The following SHISA9 variants were observed in gnomAD, a reference collection of about 807,000 sequenced individuals.
SHISA9 encodes protein shisa-9.
SHISA9 carries 13 observed loss-of-function variants against 38.0 expected under a neutral mutation model. The observed-to-expected ratio is 0.34, with a 90% CI of 0.22 to 0.54. The LOEUF (loss-of-function observed/expected upper bound fraction) is 0.54. SHISA9 is among the 20% of genes least tolerant of loss of function. The pLI, the probability that SHISA9 is intolerant of heterozygous loss-of-function variation, is 0.91. For synonymous variants in SHISA9, 275 were observed against 242.0 expected, an observed-to-expected ratio of 1.14 and a Z score of -1.27; for missense variants, 538 against 575.8, an observed-to-expected ratio of 0.93 and a Z score of 0.67.
At chr16:13,266,063 G>C in the SHISA9 span, among the ~76,000 whole-genome samples, 2 of 100,284 alleles carry the variant, frequency 2.0e-5, no homozygotes, top group South Asian at 5.2e-4. Flanking sequence ...GCATTTTCAT[G>C]TTCAGTGGGT....
chr16:13,300,240 C>T, the SHISA9 span, among the ~76,000 whole-genome samples: 1 of 152,264 alleles, frequency 6.6e-6, no homozygotes, highest in African/African-American at 2.4e-5. Flanking sequence ...CTTCCCAGAC[C>T]CAATCCGCCC....
At chr16:13,418,783 C>G in the SHISA9 span, among the ~76,000 whole-genome samples, 1 of 152,192 alleles carries the variant, frequency 6.6e-6, no homozygotes, top group Non-Finnish European at 1.5e-5. Flanking sequence ...ATAATCTAAC[C>G]TTGAGAACAC....
At chr16:13,040,687 T>C (rs2073123083) in intron 2 of SHISA9, among the ~76,000 whole-genome samples, 2 of 152,206 alleles carry the variant, frequency 1.3e-5, no homozygotes, top group Non-Finnish European at 1.5e-5. Flanking sequence ...AATGCCCCAG[T>C]AGAATTTTGA....
the SHISA9 span, among the ~76,000 whole-genome samples, chr16:13,513,517 C>T: frequency 0.019 from 2,823 of 152,304 alleles, 45 homozygotes; most frequent in Non-Finnish European, 0.028. Flanking sequence ...AATCACTCTA[C>T]TATAAAGACA....
intron 2 of SHISA9, among the ~76,000 whole-genome samples, chr16:12,964,791 G>C (rs936762542): frequency 8.5e-5 from 13 of 152,104 alleles, no homozygotes; most frequent in African/African-American, 3.1e-4. Flanking sequence ...TGAGATTCTT[G>C]TTTCCCTCCA....
At chr16:13,111,454 T>G (rs1175363301) in intron 2 of SHISA9, among the ~76,000 whole-genome samples, 1 of 152,132 alleles carries the variant, frequency 6.6e-6, no homozygotes, top group East Asian at 1.9e-4. Flanking sequence ...GATCATTGAA[T>G]AATTTATTTA....
chr16:12,965,093 G>C (rs188850510), intron 2 of SHISA9, among the ~76,000 whole-genome samples: 1 of 151,952 alleles, frequency 6.6e-6, no homozygotes, highest in East Asian at 1.9e-4. Context: ...GGAAAGGTTT[G>C]GTCTAGCAAT....
At chr16:13,136,306 C>T (rs2050347457) in intron 2 of SHISA9, among the ~76,000 whole-genome samples, 1 of 151,718 alleles carries the variant, frequency 6.6e-6, no homozygotes, top group South Asian at 2.1e-4. Context: ...AAATTTCTTG[C>T]CAAAGTGCAT....
At chr16:13,382,264 A>G in the SHISA9 span, among the ~76,000 whole-genome samples, 1 of 152,218 alleles carries the variant, frequency 6.6e-6, no homozygotes, top group Non-Finnish European at 1.5e-5. Flanking sequence ...ACAGTGGCTC[A>G]TGCCTGTAAT....
At chr16:13,222,790 ATG>A (rs751827168) in intron 4 of SHISA9, among the ~76,000 whole-genome samples, 17,116 of 95,866 alleles carry the variant, frequency 0.18, 1,117 homozygotes, top group East Asian at 0.45. Context: ...GTGTGTGTGT[ATG>A]TATATATATA....
the SHISA9 span, among the ~76,000 whole-genome samples, chr16:13,489,749 G>A: frequency 3.3e-5 from 5 of 152,234 alleles, no homozygotes; most frequent in African/African-American, 7.2e-5. Flanking sequence ...TACTAGCACC[G>A]TGAGAGCAAA....
At chr16:13,462,524 A>G in the SHISA9 span, among the ~76,000 whole-genome samples, 6 of 152,104 alleles carry the variant, frequency 3.9e-5, no homozygotes, top group Non-Finnish European at 8.8e-5. Context: ...TCTAAGGTAC[A>G]GGCAAAACTG....
At chr16:13,512,841 C>T in the SHISA9 span, among the ~76,000 whole-genome samples, 683 of 152,214 alleles carry the variant, frequency 4.5e-3, 7 homozygotes, top group African/African-American at 0.016. Context: ...ATCCTTATAC[C>T]GTATACAAAA....
At chr16:13,475,637 G>C in the SHISA9 span, among the ~76,000 whole-genome samples, 2 of 151,980 alleles carry the variant, frequency 1.3e-5, no homozygotes, top group East Asian at 3.9e-4. Context: ...GTTGGGGGAT[G>C]GTTTGGGATG....
chr16:13,270,142 C>T, the SHISA9 span, among the ~76,000 whole-genome samples: 1 of 152,178 alleles, frequency 6.6e-6, no homozygotes, highest in Admixed American at 6.5e-5. Flanking sequence ...CAGAATCCAA[C>T]TGTTTACTTG....
intron 1 of SHISA9, chr16:12,908,349 G>A: frequency 7.0e-7 from 1 of 1,428,730 alleles, no homozygotes; most frequent in Admixed American, 2.2e-5. Context: ...GGGTCTATAT[G>A]TGACTACGTT....
At chr16:12,990,769 C>T (rs540214386) in intron 2 of SHISA9, among the ~76,000 whole-genome samples, 24 of 152,090 alleles carry the variant, frequency 1.6e-4, no homozygotes, top group Non-Finnish European at 2.9e-4. Flanking sequence ...AATTGTCTAG[C>T]CCCAAGTGTC....
At chr16:13,479,287 C>G in the SHISA9 span, among the ~76,000 whole-genome samples, 1 of 152,146 alleles carries the variant, frequency 6.6e-6, no homozygotes, top group African/African-American at 2.4e-5. Context: ...ATTCTTAACT[C>G]CATCATGTCT....
intron 2 of SHISA9, among the ~76,000 whole-genome samples, chr16:13,156,743 A>G (rs1236367632): frequency 2.0e-5 from 3 of 152,058 alleles, no homozygotes; most frequent in African/African-American, 7.2e-5. Flanking sequence ...CAAAAAAAAA[A>G]AAAAAAAAAA....
Sources: allele counts gnomAD v4.1 joint callset (sites outside exome capture counted in the v4.1 genomes callset), GRCh38; gene constraint gnomAD v4.1.1; transcripts MANE v1.5; gene names NCBI Gene and HGNC (gene_info 2026-07-23, HGNC 2026-07-21).